The following RAD51B variants were observed in gnomAD, a reference collection of about 807,000 sequenced individuals.
RAD51B encodes RAD51 paralog B.
A neutral mutation model predicts 42.2 loss-of-function variants in RAD51B; 38 were observed. The observed-to-expected ratio is 0.90, with a 90% CI of 0.70 to 1.18. The LOEUF (loss-of-function observed/expected upper bound fraction) is 1.18. Among genes scored for constraint, RAD51B ranks in the 50% most tolerant of loss-of-function variants. RAD51B has a pLI of 0.00. For missense variants in RAD51B, 373 were observed against 400.7 expected, an observed-to-expected ratio of 0.93 and a Z score of 0.59; for synonymous variants, 154 against 145.2, an observed-to-expected ratio of 1.06 and a Z score of -0.43.
At chr14:68,402,931 C>T (rs1338818229) in intron 8 of RAD51B, among the ~76,000 whole-genome samples, 2 of 152,224 alleles carry the variant, frequency 1.3e-5, no homozygotes, top group Non-Finnish European at 2.9e-5. Context: ...ACACTACTCT[C>T]CTTCTCCCAC....
At chr14:68,346,953 C>T (rs897970167) in intron 8 of RAD51B, among the ~76,000 whole-genome samples, 1 of 152,180 alleles carries the variant, frequency 6.6e-6, no homozygotes, top group Non-Finnish European at 1.5e-5. Flanking sequence ...TGCCTTCCCT[C>T]TACCCCCCAA....
In RAD51B at chr14:68,393,154, G is replaced by A. The variant is rs565378808; in HGVS notation, c.854-18270G>A. 2.6e-4 allele frequency among the ~76,000 whole-genome samples: 39 copies of A among 152,282 alleles called. 1 individual carries two copies. The Middle Eastern group carries it at 0.01, about 40-fold the overall frequency. On this transcript the variant is annotated intron_variant, in intron 8 of 10. Transcript: ENST00000471583. ...TGGGAAAGAGGAGGGGGTGAGCTCC[G>A]TGGAAAACATTATTAGCTGGAAGGA...
At chr14:68,515,931 A>G (rs1248785634) in intron 10 of RAD51B, among the ~76,000 whole-genome samples, 1 of 151,614 alleles carries the variant, frequency 6.6e-6, no homozygotes, top group African/African-American at 2.4e-5. Context: ...GACCACAGGC[A>G]CCCACCACCA....
chr14:68,064,566 T>C (rs1232815162), intron 7 of RAD51B, among the ~76,000 whole-genome samples: 2 of 152,042 alleles, frequency 1.3e-5, no homozygotes, highest in Non-Finnish European at 2.9e-5. Context: ...GTTTTCTTTT[T>C]CTGGGATTCT....
chr14:68,228,175 A>G (rs117690462), intron 7 of RAD51B, among the ~76,000 whole-genome samples: 1,756 of 152,280 alleles, frequency 0.012, 14 homozygotes, highest in Non-Finnish European at 0.016. Context: ...TCCAAAGCCC[A>G]AAGCCCATGA....
At chr14:67,922,570 A>G (rs1595111573) in intron 7 of RAD51B, among the ~76,000 whole-genome samples, 1 of 150,126 alleles carries the variant, frequency 6.7e-6, no homozygotes, top group East Asian at 1.9e-4. Flanking sequence ...TTTAAATTTC[A>G]ATAGGTTTTT....
intron 8 of RAD51B, among the ~76,000 whole-genome samples, chr14:68,366,117 G>A (rs1020710685): frequency 2.0e-5 from 3 of 151,972 alleles, no homozygotes; most frequent in African/African-American, 7.2e-5. Flanking sequence ...AACAACTTTA[G>A]TGTAATTTTA....
At chr14:67,827,705 G>A (rs1364080611) in intron 3 of RAD51B, among the ~76,000 whole-genome samples, 1 of 152,022 alleles carries the variant, frequency 6.6e-6, no homozygotes, top group East Asian at 1.9e-4. Flanking sequence ...TGTTCTCATC[G>A]TTCAGCTCCC....
At chr14:68,629,398 A>C (rs1892173352) in intron 10 of RAD51B, among the ~76,000 whole-genome samples, 1 of 152,218 alleles carries the variant, frequency 6.6e-6, no homozygotes, top group African/African-American at 2.4e-5. Flanking sequence ...CTTTAAAGGT[A>C]GAGAAAGCAC....
chr14:67,871,967 C>A (rs2042550149), intron 5 of RAD51B, among the ~76,000 whole-genome samples: 1 of 148,062 alleles, frequency 6.8e-6, no homozygotes, highest in East Asian at 2.0e-4. Flanking sequence ...TATGACAAAC[C>A]CACAGCCAAT....
chr14:68,200,386 A>G (rs2140923342), intron 7 of RAD51B, among the ~76,000 whole-genome samples: 1 of 152,336 alleles, frequency 6.6e-6, no homozygotes, highest in East Asian at 1.9e-4. Context: ...GAACAGTGCT[A>G]TGTTATTGCT....
intron 5 of RAD51B, among the ~76,000 whole-genome samples, chr14:67,878,334 T>C (rs1156831735): frequency 6.6e-6 from 1 of 152,192 alleles, no homozygotes; most frequent in Admixed American, 6.5e-5. Context: ...TCATTGTCCA[T>C]TTATATTTCT....
intron 7 of RAD51B, among the ~76,000 whole-genome samples, chr14:68,009,261 G>A (rs1372772649): frequency 6.6e-6 from 1 of 151,888 alleles, no homozygotes; most frequent in Non-Finnish European, 1.5e-5. Context: ...AGATTTTATA[G>A]TACAGAGGGA....
intron 7 of RAD51B, among the ~76,000 whole-genome samples, chr14:68,246,479 T>C (rs2080502368): frequency 6.6e-6 from 1 of 152,146 alleles, no homozygotes. Flanking sequence ...AGAGAGAATC[T>C]GGGACATTTA....
At chr14:68,201,067 T>C (rs2079475396) in intron 7 of RAD51B, among the ~76,000 whole-genome samples, 6 of 152,164 alleles carry the variant, frequency 3.9e-5, no homozygotes, top group Admixed American at 3.9e-4. Flanking sequence ...TTTGCTTAAG[T>C]AGTAGAGTTT....
At chr14:68,320,293 C>G (rs1402524177) in intron 8 of RAD51B, among the ~76,000 whole-genome samples, 4 of 152,180 alleles carry the variant, frequency 2.6e-5, no homozygotes, top group African/African-American at 9.7e-5. Context: ...CTTTGGATGC[C>G]TCCTGTTTTA....
At chr14:68,516,769 G>A (rs1886182142) in intron 10 of RAD51B, among the ~76,000 whole-genome samples, 1 of 152,144 alleles carries the variant, frequency 6.6e-6, no homozygotes, top group Admixed American at 6.5e-5. Flanking sequence ...GGAAAATATT[G>A]CTTCACTAAG....
intron 5 of RAD51B, among the ~76,000 whole-genome samples, chr14:67,868,606 C>CAG: frequency 6.6e-6 from 1 of 152,252 alleles, no homozygotes; most frequent in South Asian, 2.1e-4. Flanking sequence ...GGCCTGCCTG[C>CAG]CTCTGTAGGC....
intron 7 of RAD51B, among the ~76,000 whole-genome samples, chr14:67,930,777 A>ATTTT (rs1307370960): frequency 6.6e-6 from 1 of 151,790 alleles, no homozygotes; most frequent in East Asian, 1.9e-4. Flanking sequence ...GTTTTTGAGC[A>ATTTT]TTTTTGTTCT....
Sources: allele counts gnomAD v4.1 joint callset (sites outside exome capture counted in the v4.1 genomes callset), GRCh38; gene constraint gnomAD v4.1.1; transcripts MANE v1.5; gene names NCBI Gene and HGNC (gene_info 2026-07-23, HGNC 2026-07-21).